SLIT2: variants seen among roughly 807,000 people sequenced by gnomAD.
SLIT2 encodes the protein slit guidance ligand 2, also known as slit homolog 2 protein.
SLIT2 carries 41 observed loss-of-function variants against 185.7 expected under a neutral mutation model. That is an observed-to-expected ratio of 0.22 (90% CI 0.17 to 0.29). The LOEUF is 0.29. Among genes scored for constraint, SLIT2 ranks in the 10% least tolerant of loss-of-function variants. SLIT2 has a pLI of 1.00. For missense variants in SLIT2, 1,571 were observed against 1,909.0 expected (o/e 0.82, Z 3.30); for synonymous variants, 693 against 680.2 (o/e 1.02, Z -0.29).
At chr4:20,369,277 C>T (rs372752433) in intron 4 of SLIT2, among the ~76,000 whole-genome samples, 1 of 151,978 alleles carries the variant, frequency 6.6e-6, no homozygotes, top group Non-Finnish European at 1.5e-5. Flanking sequence ...TCTTGCCCAC[C>T]GAGGTCTGGC....
At chr4:20,257,016 A>G (rs1711920620) in intron 2 of SLIT2, among the ~76,000 whole-genome samples, 2 of 152,156 alleles carry the variant, frequency 1.3e-5, no homozygotes, top group Non-Finnish European at 2.9e-5. Context: ...GCATATAAAA[A>G]TGTTGAATAA....
chr4:20,490,537 C>T (rs919624671), intron 8 of SLIT2, among the ~76,000 whole-genome samples: 8 of 151,954 alleles, frequency 5.3e-5, no homozygotes, highest in African/African-American at 1.2e-4. Flanking sequence ...TTTTAAGAAA[C>T]GTATAATGCA....
chr4:20,441,512 C>A lies in SLIT2; in HGVS notation c.396-26240C>A, dbSNP rs563153474. Among the ~76,000 whole-genome samples the A allele has an allele frequency of 9.7e-3, 1,268 of 131,174 alleles. 40 individuals carry two copies. Among genetic ancestry groups the A allele is most frequent in the Admixed American group, 0.076 (1,017 of 13,370 alleles). 86.1% of individuals were successfully genotyped at this position (131,174 alleles called of 152,430 possible). A position where few individuals can be genotyped will look rare whatever the true frequency, so the allele number is the denominator to read the frequency against. On this transcript the variant is annotated intron_variant, in intron 4 of 36. Coordinates refer to ENST00000504154, the MANE Select transcript of SLIT2 (RefSeq NM_004787.4). Reference sequence around the variant, plus strand: ...TCTCTCTCTCTCTCTCGCCCCCCCCCACTTCTGTCTCTCTCTCTCTCTCTC... The same window carrying A: ...TCTCTCTCTCTCTCTCGCCCCCCCCAACTTCTGTCTCTCTCTCTCTCTCTC...
In SLIT2 at chr4:20,294,778, TC is replaced by T. The variant is rs2109091021; in HGVS notation, c.395+25898del. 1.3e-5 allele frequency among the ~76,000 whole-genome samples: 2 copies of T among 152,312 alleles called. 1 individual carries two copies. The highest frequency in any genetic ancestry group is 4.1e-4 in the South Asian group (2 of 4,824). ...TAGATAGCCATGGTTGGAATTCATGTCTTCTGAGGTTCATAAAACAGGCCAT... is the reference window on the plus strand; with the variant it reads ...TAGATAGCCATGGTTGGAATTCATGTTTCTGAGGTTCATAAAACAGGCCAT... On this transcript the variant is annotated intron_variant, in intron 4 of 36. Coordinates refer to ENST00000504154, the MANE Select transcript of SLIT2 (RefSeq NM_004787.4).
chr4:20,295,530 A>G (rs1716366226), intron 4 of SLIT2, among the ~76,000 whole-genome samples: 1 of 152,218 alleles, frequency 6.6e-6, no homozygotes, highest in Non-Finnish European at 1.5e-5. Context: ...AGTGAAGGGC[A>G]GATGACCGTC....
At chr4:20,368,092 A>C (rs1158082365) in intron 4 of SLIT2, among the ~76,000 whole-genome samples, 1 of 152,010 alleles carries the variant, frequency 6.6e-6, no homozygotes, top group Non-Finnish European at 1.5e-5. Flanking sequence ...CCTATGCTTT[A>C]TGTTCTGTAA....
chr4:20,405,398 G>T lies in SLIT2; in HGVS notation c.396-62354G>T, dbSNP rs146619478. On this transcript the variant is annotated intron_variant, in intron 4 of 36. Transcript: ENST00000504154. The stretch of plus-strand genomic sequence containing the variant: ...GAAAGTTTTGAAATCTAGGAAAAAA[G>T]GTGAAAACACAGAATTTGTATTATG... 4.6e-5 allele frequency among the ~76,000 whole-genome samples: 7 copies of T among 151,852 alleles called. No homozygotes were observed. The East Asian group carries it at 1.4e-3, about 29-fold the overall frequency.
At chr4:20,616,878 AGCCTGACC>A in intron 34 of SLIT2, 24 bp from the exon 35 acceptor site, 1 of 1,554,762 alleles carries the variant, frequency 6.4e-7, no homozygotes, top group Non-Finnish European at 8.7e-7. Flanking sequence ...ATCCCCAGAG[AGCCTGACC>A]TCTGACCTGG....
intron 26 of SLIT2, among the ~76,000 whole-genome samples, chr4:20,562,400 T>C (rs1724767057): frequency 6.6e-6 from 1 of 151,840 alleles, no homozygotes; most frequent in Admixed American, 6.6e-5. Context: ...TTTCTAGCCA[T>C]GGCTTTTCTT....
chr4:20,300,752 A>G (rs1397022862), intron 4 of SLIT2, among the ~76,000 whole-genome samples: 2 of 152,152 alleles, frequency 1.3e-5, no homozygotes, highest in African/African-American at 2.4e-5. Flanking sequence ...TTCAAGAGCA[A>G]TAAATCTCTG....
chr4:20,254,036 C>T lies in SLIT2; in HGVS notation c.179+42C>T. The T allele has an allele frequency of 6.4e-7, 1 of 1,573,062 alleles. No individual in the cohort carries two copies. The highest frequency in any genetic ancestry group is 8.6e-7 in the Non-Finnish European group (1 of 1,159,978). Reference sequence around the variant, plus strand: ...CGTCTTCCCCTCTCCCCATCCGGGCCGCGCACCCCTGCCTCCACTGGAGGA... The same window carrying T: ...CGTCTTCCCCTCTCCCCATCCGGGCTGCGCACCCCTGCCTCCACTGGAGGA... On this transcript the variant is annotated intron_variant, in intron 1 of 36. Transcript: ENST00000504154. This position sits in a 1 kb window ranked among gnomAD's most constrained non-coding sequence, Gnocchi z 5.1.
chr4:20,550,078 T>C (rs1354959331), intron 24 of SLIT2, among the ~76,000 whole-genome samples: 1 of 152,120 alleles, frequency 6.6e-6, no homozygotes, highest in African/African-American at 2.4e-5. Flanking sequence ...AGTTAATTTT[T>C]CCACCAACTA....
intron 4 of SLIT2, among the ~76,000 whole-genome samples, chr4:20,463,038 G>A (rs1013166249): frequency 8.5e-5 from 13 of 152,088 alleles, no homozygotes; most frequent in Admixed American, 3.3e-4. Flanking sequence ...ACAATCCTAT[G>A]AAATATAAAC....
chr4:20,269,437 A>G (rs1281119457), intron 4 of SLIT2, among the ~76,000 whole-genome samples: 1 of 151,948 alleles, frequency 6.6e-6, no homozygotes, highest in African/African-American at 2.4e-5. Context: ...AATACGTCAT[A>G]GACTATTAAA....
chr4:20,525,691 T>C (rs1313976149), intron 15 of SLIT2, among the ~76,000 whole-genome samples: 1 of 152,160 alleles, frequency 6.6e-6, no homozygotes, highest in Non-Finnish European at 1.5e-5. Context: ...TCACTGTTTA[T>C]AGAAAAACAG....
At chr4:20,496,653 A>AAT (rs747511403) in intron 9 of SLIT2, among the ~76,000 whole-genome samples, 1 of 152,128 alleles carries the variant, frequency 6.6e-6, no homozygotes, top group Non-Finnish European at 1.5e-5. Flanking sequence ...TTTATTTTTA[A>AAT]ATATCTATCT....
intron 29 of SLIT2, among the ~76,000 whole-genome samples, chr4:20,569,619 A>T (rs1252921578): frequency 6.6e-6 from 1 of 152,056 alleles, no homozygotes; most frequent in East Asian, 1.9e-4. Context: ...CAAGTTTATG[A>T]CTTGTCTGTT....
intron 33 of SLIT2, among the ~76,000 whole-genome samples, chr4:20,604,657 T>C (rs968125651): frequency 6.7e-6 from 1 of 150,276 alleles, no homozygotes; most frequent in East Asian, 2.0e-4. Flanking sequence ...TACATAGATA[T>C]CTTTAATCTC....
intron 4 of SLIT2, among the ~76,000 whole-genome samples, chr4:20,386,147 G>T (rs1724922021): frequency 6.6e-6 from 1 of 152,094 alleles, no homozygotes. Flanking sequence ...AATAATTTGG[G>T]CTTTACTTAG....
Sources: gnomAD v4.1 joint callset for allele counts (sites outside exome capture counted in the v4.1 genomes callset) on GRCh38, gnomAD v4.1.1 for gene constraint, Gnocchi (gnomAD v3.1) non-coding constraint, MANE v1.5 for transcripts, NCBI Gene and HGNC (gene_info 2026-07-23, HGNC 2026-07-21) for gene names.